The following FAS variants were observed in gnomAD, a reference collection of about 807,000 sequenced individuals.
FAS encodes the protein Fas cell surface death receptor, also known as tumor necrosis factor receptor superfamily member 6.
A neutral mutation model predicts 33.2 loss-of-function variants in FAS; 5 were observed. The ratio of observed to expected loss-of-function variants is 0.15; its 90% confidence interval spans 0.08 to 0.32. FAS has a LOEUF of 0.32. FAS is among the 10% of genes least tolerant of loss of function. FAS has a pLI of 1.00. For synonymous variants in FAS, 131 were observed against 130.7 expected, an observed-to-expected ratio of 1.00 and a Z score of -0.01; for missense variants, 339 against 386.0, an observed-to-expected ratio of 0.88 and a Z score of 1.02.
intron 2 of FAS, among the ~76,000 whole-genome samples, chr10:88,978,809 T>C (rs1167882402): frequency 6.6e-6 from 1 of 152,150 alleles, no homozygotes; most frequent in Non-Finnish European, 1.5e-5. Flanking sequence ...TGGTAATTTC[T>C]CCAAAAAGCC....
chr10:88,984,858 T>C (rs117389838), upstream of FAS, among the ~76,000 whole-genome samples: 1,591 of 152,350 alleles, frequency 0.01, 13 homozygotes, highest in Non-Finnish European at 0.018. Flanking sequence ...GATCTGATGA[T>C]TCCTTTTCAG....
intron 7 of FAS, 28 bp from the exon 8 acceptor site, chr10:89,013,311 GTCTT>G (rs1293555310): frequency 5.6e-6 from 9 of 1,599,520 alleles, no homozygotes; most frequent in African/African-American, 1.3e-5. Context: ...ATTTTTATTT[GTCTT>G]TCTCTGCTTC....
intron 2 of FAS, among the ~76,000 whole-genome samples, chr10:88,981,336 T>G (rs1303456743): frequency 6.6e-6 from 1 of 152,200 alleles, no homozygotes; most frequent in Non-Finnish European, 1.5e-5. Context: ...GTTAAACCCT[T>G]GATAAATATT....
rs143410147 is a variant in FAS, at chr10:88,998,414, C to T, written c.31-4615C>T. Among the ~76,000 whole-genome samples, 39 of 152,004 alleles carry T rather than the reference C, an allele frequency of 2.6e-4. 1 individual carries two copies. Among genetic ancestry groups the T allele is most frequent in the African/African-American group, 6.0e-4 (25 of 41,472 alleles). On this transcript the variant is annotated intron_variant, in intron 1 of 8. Transcript: ENST00000652046. ...CACTCTTCCAAAGTCTGGACCCTTC[C>T]GGCCTTCCAAATACAAGAGCTCTGG...
intron 1 of FAS, 102 bp downstream of exon 1, chr10:88,991,008 G>T: frequency 6.6e-7 from 1 of 1,519,132 alleles, no homozygotes; most frequent in Non-Finnish European, 9.1e-7. Flanking sequence ...GGCGGCAGCG[G>T]CGCACGCGGG....
At chr10:88,971,747 C>T (rs971306551) in intron 1 of FAS, among the ~76,000 whole-genome samples, 3 of 151,940 alleles carry the variant, frequency 2.0e-5, no homozygotes, top group African/African-American at 7.3e-5. Flanking sequence ...GTGCAATATC[C>T]CTCTTTTTGT....
chr10:89,011,145 A>C (rs990548030), intron 6 of FAS, among the ~76,000 whole-genome samples: 1 of 152,232 alleles, frequency 6.6e-6, no homozygotes, highest in Admixed American at 6.5e-5. Flanking sequence ...AGAACACAAG[A>C]AGCAAAGGCA....
chr10:88,980,850 G>A (rs1046311481), intron 2 of FAS, among the ~76,000 whole-genome samples: 2 of 152,202 alleles, frequency 1.3e-5, no homozygotes, highest in African/African-American at 4.8e-5. Context: ...TAAAAAGAGA[G>A]AGATAATTTT....
At chr10:88,986,708 G>A (rs557160851), upstream of FAS, among the ~76,000 whole-genome samples, 2 of 150,926 alleles carry the variant, frequency 1.3e-5, no homozygotes, top group Non-Finnish European at 3.0e-5. Flanking sequence ...GGAAGGAAGT[G>A]GTACAGGAAG....
chr10:88,981,683 G>C (rs1846714979), intron 2 of FAS, among the ~76,000 whole-genome samples: 1 of 152,172 alleles, frequency 6.6e-6, no homozygotes, highest in African/African-American at 2.4e-5. Flanking sequence ...ACTGTAGGGA[G>C]GGAGAGAGAG....
chr10:89,012,118 G>A (rs771974497), intron 7 of FAS, 37 bp downstream of exon 7: 1 of 1,524,760 alleles, frequency 6.6e-7, no homozygotes, highest in African/African-American at 1.4e-5. Flanking sequence ...TCCTTGAAAA[G>A]AAAAATAGAG....
At chr10:88,982,890 G>C (rs947545642), upstream of FAS, among the ~76,000 whole-genome samples, 2 of 152,120 alleles carry the variant, frequency 1.3e-5, no homozygotes, top group African/African-American at 4.8e-5. Flanking sequence ...GTAAAAGTGG[G>C]GTTAATTGGT....
Position 89,014,569 on chromosome 10 carries a change from C to A in FAS, c.*119C>A. 1.1e-6 allele frequency: 1 copy of A among 922,314 alleles called. No individual in the cohort carries two copies. The highest frequency in any genetic ancestry group is 1.6e-5 in the African/African-American group (1 of 61,248). The allele number at this position is 922,314 out of a possible 1,614,324, so 57.1% of individuals were successfully genotyped here. On this transcript the variant is annotated 3_prime_UTR_variant, in exon 9 of 9. Coordinates refer to ENST00000652046, the MANE Select transcript of FAS (RefSeq NM_000043.6). ...GGGTACATTTTATCATTTATTAGCG[C>A]TGAAGAGCCAACATATTTGTAGATT...
intron 1 of FAS, among the ~76,000 whole-genome samples, chr10:88,966,952 A>C (rs886331192): frequency 6.6e-6 from 1 of 152,214 alleles, no homozygotes; most frequent in Non-Finnish European, 1.5e-5. Flanking sequence ...TTGAGTGAGA[A>C]GATCCCATAA....
At position 89,003,099 on chromosome 10, in the gene FAS, G is replaced by T; in HGVS notation, c.101G>T (p.Gly34Val). ...CAAGTGACTGACATCAACTCCAAGG[G>T]ATTGGAATTGAGGAAGACTGTTACT... is the stretch of plus-strand genomic sequence containing the variant. ...NAQVTDINSK[G>V]LELRKTVTTV... Residue 34 changes from glycine (G) to valine (V), a missense_variant, in exon 2 of 9, where the codon GGA becomes GTA. This residue lies in a region of FAS where 276 missense variants were observed against 300.1 expected (regional missense o/e 0.92). Transcript: ENST00000652046. 6.2e-7 allele frequency: 1 copy of T among 1,614,012 alleles called. No individual in the cohort carries two copies. The highest frequency in any genetic ancestry group is 8.5e-7 in the Non-Finnish European group (1 of 1,179,882).
Position 89,007,741 on chromosome 10 carries a change from C to G in FAS, c.238C>G (p.Pro80Ala), listed in dbSNP as rs2133502792. The G allele has an allele frequency of 6.2e-7, 1 of 1,613,930 alleles. No individual in the cohort carries two copies. Among genetic ancestry groups the G allele is most frequent in the Non-Finnish European group, 8.5e-7 (1 of 1,179,940 alleles). Residue 80 changes from proline to alanine, a missense_variant, in exon 3 of 9, where the codon CCA (proline) becomes GCA (alanine). By Grantham distance (27) the Pro-to-Ala change is conservative. Transcript: ENST00000652046. ...GGACTGCACAGTCAATGGGGATGAA[C>G]CAGACTGCGTGCCCTGCCAAGAAGG... ...ARDCTVNGDE[P>A]DCVPCQEGKE...
chr10:89,012,132 T>C (rs1373116140), intron 7 of FAS, 51 bp downstream of exon 7: 1 of 1,490,216 alleles, frequency 6.7e-7, no homozygotes, highest in Non-Finnish European at 9.4e-7. Flanking sequence ...AATAGAGAAA[T>C]TAGTGATTTG....
chr10:88,971,392 T>A (rs1846443713), intron 1 of FAS, among the ~76,000 whole-genome samples: 1 of 152,236 alleles, frequency 6.6e-6, no homozygotes, highest in East Asian at 1.9e-4. Context: ...GCCAATGGCA[T>A]GGAGCCATCT....
At chr10:89,007,639 T>A in intron 2 of FAS, 61 bp from the exon 3 acceptor site, 1 of 1,581,592 alleles carries the variant, frequency 6.3e-7, no homozygotes, top group East Asian at 2.3e-5. Context: ...CCCTCTATAG[T>A]TCCCACCCTG....
Sources: gnomAD v4.1 joint callset for allele counts (sites outside exome capture counted in the v4.1 genomes callset) on GRCh38, gnomAD v4.1.1 for gene constraint, gnomAD v4.1.1 regional missense constraint, MANE v1.5 for transcripts, NCBI Gene and HGNC (gene_info 2026-07-23, HGNC 2026-07-21) for gene names.